Variants in SEL1L2 observed in about 807,000 individuals in gnomAD.
The protein encoded by SEL1L2 is SEL1L2 adaptor subunit of SYVN1 ubiquitin ligase.
Under a neutral mutation model 98.8 loss-of-function variants are expected in SEL1L2, and 89 were observed. The ratio of observed to expected loss-of-function variants is 0.90; its 90% CI spans 0.76 to 1.07. SEL1L2 has a LOEUF of 1.07. SEL1L2 is among the 50% of genes least tolerant of loss of function. SEL1L2 has a pLI of 0.00. For synonymous variants in SEL1L2, 262 were observed against 278.5 expected, an observed-to-expected ratio of 0.94 and a Z score of 0.59; for missense variants, 788 against 812.0, an observed-to-expected ratio of 0.97 and a Z score of 0.36.
chr20:13,905,375 G>A (rs1468362956), intron 5 of SEL1L2, among the ~76,000 whole-genome samples: 8 of 148,510 alleles, frequency 5.4e-5, no homozygotes, highest in East Asian at 2.0e-4. Context: ...GTGCAGTGGC[G>A]TGATCTCAGC....
chr20:13,921,693 TA>T (rs2048674858), intron 3 of SEL1L2, among the ~76,000 whole-genome samples: 2 of 152,178 alleles, frequency 1.3e-5, no homozygotes, highest in African/African-American at 4.8e-5. Flanking sequence ...CAACTTGCAA[TA>T]AATTTATTTT....
rs528087084 is a variant in SEL1L2, at chr20:13,947,621, C to T, written c.114+8455G>A. 7.2e-5 allele frequency among the ~76,000 whole-genome samples: 11 copies of T among 152,274 alleles called. No individual in the cohort carries two copies. The South Asian group carries it at 2.1e-3, about 29-fold the overall frequency. ...ACAAAAAGGGCTAAAACATGCCCCC[C>T]ACACTGCAGGCAATGAGAAGAAGAG... On this transcript the variant is annotated intron_variant, in intron 2 of 19. Coordinates refer to ENST00000284951, the MANE Select transcript of SEL1L2 (RefSeq NM_025229.2).
chr20:13,900,115 C>T (rs2047604735), intron 5 of SEL1L2, among the ~76,000 whole-genome samples: 1 of 152,028 alleles, frequency 6.6e-6, no homozygotes, highest in Non-Finnish European at 1.5e-5. Flanking sequence ...TTTGGAGAGG[C>T]TTATCTTTGA....
chr20:13,956,134 G>T lies in SEL1L2; in HGVS notation c.59-3C>A. 1.4e-6 allele frequency: 2 copies of T among 1,466,570 alleles called. No homozygotes were observed. The highest frequency in any genetic ancestry group is 1.9e-6 in the Non-Finnish European group (2 of 1,079,284). 90.8% of individuals were successfully genotyped at this position (1,466,570 alleles called of 1,614,324 possible). A position where few individuals can be genotyped will look rare whatever the true frequency, so the allele number is the denominator to read the frequency against. On this transcript the variant is annotated splice_polypyrimidine_tract_variant and splice_region_variant and intron_variant, in intron 1 of 19. Coordinates refer to ENST00000284951, the MANE Select transcript of SEL1L2 (RefSeq NM_025229.2). ...ATTATGTTCCTCTGCTTTGATAGCT[G>T]CAATACACAAAATTTTTTTATAAAA...
intron 5 of SEL1L2, among the ~76,000 whole-genome samples, chr20:13,889,559 A>C (rs1321677696): frequency 6.6e-6 from 1 of 152,136 alleles, no homozygotes; most frequent in Non-Finnish European, 1.5e-5. Context: ...TGGGAGGCTG[A>C]GGTGGGTGGA....
At chr20:13,952,631 A>G (rs886242297) in intron 2 of SEL1L2, among the ~76,000 whole-genome samples, 11 of 152,180 alleles carry the variant, frequency 7.2e-5, no homozygotes, top group Non-Finnish European at 2.9e-5. Context: ...TAGGAAGAGA[A>G]GGGAACCAGG....
chr20:13,897,655 C>T (rs752657674), intron 5 of SEL1L2, among the ~76,000 whole-genome samples: 7 of 152,010 alleles, frequency 4.6e-5, no homozygotes, highest in Non-Finnish European at 8.8e-5. Context: ...TGAAAATGTG[C>T]TCAATATCAA....
chr20:13,959,372 G>A (rs188206387), intron 1 of SEL1L2, among the ~76,000 whole-genome samples: 49 of 152,050 alleles, frequency 3.2e-4, no homozygotes, highest in Admixed American at 1.8e-3. Context: ...GTCTGCTGCC[G>A]GTCTCATCCA....
chr20:13,949,784 A>T (rs1024938297), intron 2 of SEL1L2, among the ~76,000 whole-genome samples: 9 of 152,234 alleles, frequency 5.9e-5, no homozygotes, highest in African/African-American at 2.2e-4. Context: ...GCCACTGTGG[A>T]AAACAAATGA....
chr20:13,987,626 G>T (rs2052291916), intron 1 of SEL1L2, among the ~76,000 whole-genome samples: 1 of 152,028 alleles, frequency 6.6e-6, no homozygotes, highest in African/African-American at 2.4e-5. Context: ...GGGATTACAG[G>T]TGTGAGCCAC....
intron 1 of SEL1L2, among the ~76,000 whole-genome samples, chr20:13,981,224 G>A (rs897815304): frequency 2.0e-5 from 3 of 151,946 alleles, no homozygotes; most frequent in Non-Finnish European, 2.9e-5. Flanking sequence ...CCTGGGCAAC[G>A]AGAGCAAAAC....
chr20:13,976,926 G>C (rs1231288654), intron 1 of SEL1L2, among the ~76,000 whole-genome samples: 1 of 152,160 alleles, frequency 6.6e-6, no homozygotes, highest in Non-Finnish European at 1.5e-5. Context: ...CCCGGGAGAA[G>C]CAATTTCACC....
At position 13,954,460 on chromosome 20, in the gene SEL1L2, T is replaced by C. The variant is rs567750542; in HGVS notation, c.114+1616A>G. On this transcript the variant is annotated intron_variant, in intron 2 of 19. Coordinates refer to ENST00000284951, the MANE Select transcript of SEL1L2 (RefSeq NM_025229.2). ...GCCATCTGTGCTTGGGCCAATGGAA[T>C]TGAGTGAGATATACAATCTACAAAC... Among the ~76,000 whole-genome samples, 8 of 152,272 alleles carry C rather than the reference T, an allele frequency of 5.3e-5. No homozygotes were observed. The East Asian group carries it at 1.2e-3, about 22-fold the overall frequency.
chr20:13,915,617 G>A (rs112146436), intron 4 of SEL1L2, among the ~76,000 whole-genome samples: 27 of 152,290 alleles, frequency 1.8e-4, no homozygotes, highest in African/African-American at 6.5e-4. Context: ...CACAGTCTCT[G>A]GACCCAGAGG....
intron 18 of SEL1L2, 57 bp downstream of exon 18, chr20:13,859,205 T>G: frequency 1.3e-6 from 2 of 1,486,674 alleles, no homozygotes. Flanking sequence ...CATTTACACA[T>G]TCTGTCTTCT....
intron 18 of SEL1L2, among the ~76,000 whole-genome samples, chr20:13,856,633 A>G (rs992681105): frequency 2.0e-5 from 3 of 152,148 alleles, no homozygotes; most frequent in Admixed American, 2.0e-4. Context: ...CAGTGAAGCT[A>G]CTAGGATAGC....
At chr20:13,850,744 T>C (rs1988114658) in intron 18 of SEL1L2, among the ~76,000 whole-genome samples, 1 of 152,164 alleles carries the variant, frequency 6.6e-6, no homozygotes, top group South Asian at 2.1e-4. Context: ...TTTAGCCTCG[T>C]GAAACCCCAA....
chr20:13,881,028 T>C (rs1266500588), intron 10 of SEL1L2, among the ~76,000 whole-genome samples: 1 of 152,246 alleles, frequency 6.6e-6, no homozygotes, highest in African/African-American at 2.4e-5. Context: ...ATGTATTTTC[T>C]TTTTGAGATG....
At chr20:13,876,761 G>A (rs1004965273) in intron 11 of SEL1L2, among the ~76,000 whole-genome samples, 1 of 152,170 alleles carries the variant, frequency 6.6e-6, no homozygotes, top group African/African-American at 2.4e-5. Flanking sequence ...ATTGGGGAGT[G>A]GGGTGGTCAT....
Sources: allele counts gnomAD v4.1 joint callset (sites outside exome capture counted in the v4.1 genomes callset), GRCh38; gene constraint gnomAD v4.1.1; transcripts MANE v1.5; gene names NCBI Gene and HGNC (gene_info 2026-07-23, HGNC 2026-07-21).